MAGI2: variants seen among roughly 807,000 people sequenced by gnomAD.
The protein encoded by MAGI2 is membrane associated guanylate kinase, WW and PDZ domain containing 2.
In MAGI2, 35 loss-of-function variants were observed where a neutral mutation model predicts 133.3. That is an observed-to-expected ratio of 0.26 (90% CI 0.20 to 0.35). The LOEUF is 0.35. Ranked by LOEUF, MAGI2 falls within the 10% of genes least tolerant of loss-of-function variation. The probability of loss-of-function intolerance (pLI) is 1.00; values close to 1 mark genes in which losing one functional copy is unlikely to be tolerated. For missense variants in MAGI2, 1,636 were observed against 1,863.4 expected, an observed-to-expected ratio of 0.88 and a Z score of 2.25; for synonymous variants, 729 against 710.6, an observed-to-expected ratio of 1.03 and a Z score of -0.41.
intron 2 of MAGI2, among the ~76,000 whole-genome samples, chr7:78,857,896 T>G (rs191220267): frequency 1.3e-5 from 2 of 152,160 alleles, no homozygotes; most frequent in African/African-American, 4.8e-5. Flanking sequence ...ATTTTTTTTG[T>G]TGGTAGGCCA....
chr7:78,642,908 A>G (rs1810458786), intron 2 of MAGI2, among the ~76,000 whole-genome samples: 1 of 152,138 alleles, frequency 6.6e-6, no homozygotes, highest in African/African-American at 2.4e-5. Flanking sequence ...AAAATGTTCT[A>G]AAAATTTTTG....
intron 1 of MAGI2, among the ~76,000 whole-genome samples, chr7:79,207,741 G>C (rs905987307): frequency 6.6e-6 from 1 of 151,842 alleles, no homozygotes; most frequent in East Asian, 1.9e-4. Flanking sequence ...AAGCAACTCT[G>C]AGCAGAAAGA....
At chr7:78,768,097 A>T (rs1825211754) in intron 2 of MAGI2, among the ~76,000 whole-genome samples, 1 of 152,216 alleles carries the variant, frequency 6.6e-6, no homozygotes. Flanking sequence ...TGTACACATT[A>T]TCTGGTTTAA....
intron 1 of MAGI2, among the ~76,000 whole-genome samples, chr7:79,415,900 G>A (rs1050284842): frequency 6.6e-5 from 10 of 152,104 alleles, no homozygotes; most frequent in Admixed American, 2.6e-4. Context: ...GGCCTGGGTC[G>A]GGGAATAGCA....
At chr7:78,120,635 A>G (rs1432990605) in intron 20 of MAGI2, among the ~76,000 whole-genome samples, 1 of 152,196 alleles carries the variant, frequency 6.6e-6, no homozygotes, top group Non-Finnish European at 1.5e-5. Flanking sequence ...CACTGCATTT[A>G]TAGAAATTTA....
intron 2 of MAGI2, among the ~76,000 whole-genome samples, chr7:78,791,844 C>T (rs543712699): frequency 5.9e-5 from 9 of 151,970 alleles, no homozygotes; most frequent in South Asian, 2.1e-4. Context: ...GCCATTGTGC[C>T]GGGTCAAGAA....
chr7:78,231,558 T>C (rs1163759524), intron 10 of MAGI2, among the ~76,000 whole-genome samples: 1 of 152,234 alleles, frequency 6.6e-6, no homozygotes, highest in East Asian at 1.9e-4. Context: ...ACTGTAACAC[T>C]TCTATGCGTC....
At chr7:78,120,917 C>T (rs555567479) in intron 20 of MAGI2, among the ~76,000 whole-genome samples, 27 of 140,628 alleles carry the variant, frequency 1.9e-4, no homozygotes, top group Non-Finnish European at 2.3e-4. Flanking sequence ...AGGAGAATGG[C>T]GTGAACCCGG....
chr7:79,369,794 C>A (rs1380257377), intron 1 of MAGI2, among the ~76,000 whole-genome samples: 3 of 151,986 alleles, frequency 2.0e-5, no homozygotes, highest in Non-Finnish European at 4.4e-5. Context: ...ATACATCATC[C>A]ACTGCACGAA....
chr7:79,326,415 G>A (rs377385572), intron 1 of MAGI2, among the ~76,000 whole-genome samples: 22 of 152,186 alleles, frequency 1.4e-4, no homozygotes, highest in African/African-American at 5.3e-4. Flanking sequence ...TTTTATTCTA[G>A]GCTTTCCCTC....
At chr7:78,462,698 T>C (rs1421755826) in intron 6 of MAGI2, among the ~76,000 whole-genome samples, 1 of 152,230 alleles carries the variant, frequency 6.6e-6, no homozygotes, top group Non-Finnish European at 1.5e-5. Context: ...AAATGAATGA[T>C]TAATATTTTC....
intron 3 of MAGI2, among the ~76,000 whole-genome samples, chr7:78,586,318 AGACTGTG>A (rs1264314464): frequency 6.6e-6 from 1 of 152,190 alleles, no homozygotes; most frequent in Non-Finnish European, 1.5e-5. Flanking sequence ...AAAGTAGAAA[AGACTGTG>A]GACTTAGAGC....
intron 9 of MAGI2, among the ~76,000 whole-genome samples, chr7:78,288,307 C>T (rs966495093): frequency 6.6e-6 from 1 of 152,098 alleles, no homozygotes; most frequent in African/African-American, 2.4e-5. Context: ...ATCATACCTC[C>T]TTCTAAATTT....
At chr7:79,061,857 C>T (rs1314469338) in intron 1 of MAGI2, among the ~76,000 whole-genome samples, 1 of 151,996 alleles carries the variant, frequency 6.6e-6, no homozygotes, top group Non-Finnish European at 1.5e-5. Flanking sequence ...AGAGTAAAGG[C>T]TTTGCAGTTC....
chr7:78,698,901 C>T lies in MAGI2; in HGVS notation c.419-71662G>A, dbSNP rs183714053. ...TCCCACTGGGTCACTCCCACAATTA[C>T]GGGAACTACAATTCAAGATGAAATT... On this transcript the variant is annotated intron_variant, in intron 2 of 21. Coordinates refer to ENST00000354212, the MANE Select transcript of MAGI2 (RefSeq NM_012301.4). Among the ~76,000 whole-genome samples the T allele has an allele frequency of 2.0e-4, 31 of 152,254 alleles. No homozygotes were observed. The East Asian group carries it at 3.7e-3, about 18-fold the overall frequency.
chr7:78,572,105 G>C (rs979567713), intron 3 of MAGI2, among the ~76,000 whole-genome samples: 3 of 152,102 alleles, frequency 2.0e-5, no homozygotes, highest in Admixed American at 1.3e-4. Context: ...AACTAAATAA[G>C]AGGCAATAGC....
intron 9 of MAGI2, among the ~76,000 whole-genome samples, chr7:78,267,002 G>T (rs1273909548): frequency 6.6e-6 from 1 of 152,294 alleles, no homozygotes; most frequent in East Asian, 1.9e-4. Context: ...CACACTGGGT[G>T]TTGCAGGATG....
At chr7:78,729,197 A>G (rs901329758) in intron 2 of MAGI2, among the ~76,000 whole-genome samples, 2 of 152,212 alleles carry the variant, frequency 1.3e-5, no homozygotes, top group Non-Finnish European at 2.9e-5. Context: ...CAATATCCAA[A>G]CCACTGGGAT....
intron 7 of MAGI2, among the ~76,000 whole-genome samples, chr7:78,368,366 T>C (rs773549482): frequency 1.3e-5 from 2 of 152,212 alleles, no homozygotes; most frequent in Non-Finnish European, 2.9e-5. Context: ...TGAAAGTCTT[T>C]TGTTTTTCAA....
Sources: gnomAD v4.1 joint callset for allele counts (sites outside exome capture counted in the v4.1 genomes callset) on GRCh38, gnomAD v4.1.1 for gene constraint, MANE v1.5 for transcripts, NCBI Gene and HGNC (gene_info 2026-07-23, HGNC 2026-07-21) for gene names.